The following DPP6 variants were observed in gnomAD, a reference collection of about 807,000 sequenced individuals.
DPP6 encodes A-type potassium channel modulatory protein DPP6.
DPP6 carries 69 observed loss-of-function variants against 122.6 expected under a neutral mutation model. That is an observed-to-expected ratio of 0.56 (90% CI 0.46 to 0.69). The LOEUF (loss-of-function observed/expected upper bound fraction) is 0.69, where lower values mean the gene tolerates loss of function less well. Ranked by LOEUF, DPP6 falls within the 30% of genes least tolerant of loss-of-function variation. DPP6 has a pLI of 0.00. For missense variants in DPP6, 928 were observed against 1,116.9 expected, an observed-to-expected ratio of 0.83 and a Z score of 2.41; for synonymous variants, 418 against 433.1, an observed-to-expected ratio of 0.97 and a Z score of 0.43.
At chr7:154,598,933 T>C (rs1017398121) in intron 5 of DPP6, among the ~76,000 whole-genome samples, 5 of 152,198 alleles carry the variant, frequency 3.3e-5, no homozygotes, top group Non-Finnish European at 7.3e-5. Context: ...GGTGTTCCCA[T>C]GGACCTTGGG....
chr7:154,536,325 TC>T (rs750120783), intron 3 of DPP6, among the ~76,000 whole-genome samples: 22 of 152,166 alleles, frequency 1.4e-4, no homozygotes, highest in Non-Finnish European at 2.8e-4. Flanking sequence ...GGCATAGAGG[TC>T]TTTCACATCC....
At position 154,821,669 on chromosome 7, in the gene DPP6, T is replaced by C. The variant is rs946208026; in HGVS notation, c.1666+14557T>C. 3.5e-5 allele frequency among the ~76,000 whole-genome samples: 5 copies of C among 144,820 alleles called. No individual in the cohort carries two copies. Among genetic ancestry groups the C allele is most frequent in the African/African-American group, 7.8e-5 (3 of 38,420 alleles). On this transcript the variant is annotated intron_variant, in intron 16 of 25. Transcript: ENST00000377770. This position sits in a 1 kb window ranked among gnomAD's most constrained non-coding sequence, Gnocchi z 4.2. The stretch of plus-strand genomic sequence containing the variant: ...ATACACATATATATATATATACACA[T>C]ATATATATACACACACATATATATA...
chr7:154,273,722 A>G (rs1803947098), intron 1 of DPP6, among the ~76,000 whole-genome samples: 2 of 152,174 alleles, frequency 1.3e-5, no homozygotes, highest in African/African-American at 4.8e-5. Flanking sequence ...AAGAGATCAG[A>G]AAAAAAGGGT....
At chr7:154,554,682 T>A (rs1170403075) in intron 4 of DPP6, among the ~76,000 whole-genome samples, 1 of 152,218 alleles carries the variant, frequency 6.6e-6, no homozygotes. Flanking sequence ...ACTTGTGTTA[T>A]TGATATAACT....
At chr7:154,836,138 C>G (rs540429276) in intron 16 of DPP6, among the ~76,000 whole-genome samples, 2 of 152,196 alleles carry the variant, frequency 1.3e-5, no homozygotes, top group African/African-American at 4.8e-5. Flanking sequence ...GTTTAATTAC[C>G]GCGAGCCTTG....
intron 1 of DPP6, chr7:154,094,436 G>C (rs1805171297): frequency 6.6e-6 from 1 of 152,408 alleles, no homozygotes; most frequent in Non-Finnish European, 1.5e-5. Flanking sequence ...TCGGCGCAGG[G>C]AGAGCTGCAT....
intron 1 of DPP6, among the ~76,000 whole-genome samples, chr7:154,224,275 T>C (rs7788018): frequency 0.79 from 116,873 of 148,084 alleles, 47,757 homozygotes; most frequent in Non-Finnish European, 0.82. Flanking sequence ...TGAGCTGAGA[T>C]TGCGCCACTG....
intron 1 of DPP6, among the ~76,000 whole-genome samples, chr7:154,298,188 C>T (rs2150975035): frequency 6.6e-6 from 1 of 152,190 alleles, no homozygotes; most frequent in South Asian, 2.1e-4. Flanking sequence ...CCCGGGTTTC[C>T]AGCCAGCTGC....
intron 1 of DPP6, among the ~76,000 whole-genome samples, chr7:154,183,613 T>C (rs1798205847): frequency 1.3e-5 from 2 of 152,172 alleles, no homozygotes; most frequent in African/African-American, 4.8e-5. Context: ...CCTTCCTCCA[T>C]GACTGAAGGC....
chr7:154,654,549 G>C (rs1428180790), intron 6 of DPP6, among the ~76,000 whole-genome samples: 3 of 151,844 alleles, frequency 2.0e-5, no homozygotes, highest in Non-Finnish European at 4.4e-5. Flanking sequence ...CTCCTGAGTA[G>C]CTGGGATTAC....
chr7:154,209,687 T>C (rs1263712358), intron 1 of DPP6, among the ~76,000 whole-genome samples: 2 of 152,200 alleles, frequency 1.3e-5, no homozygotes, highest in African/African-American at 4.8e-5. Context: ...TCATCATCGT[T>C]TCCTACAGTG....
chr7:154,391,156 T>C (rs192475534), intron 1 of DPP6, among the ~76,000 whole-genome samples: 2 of 152,318 alleles, frequency 1.3e-5, no homozygotes, highest in African/African-American at 4.8e-5. Context: ...CGTATGCCCT[T>C]GATTCATACA....
At chr7:154,463,277 G>A (rs912545055) in intron 2 of DPP6, among the ~76,000 whole-genome samples, 69 of 131,504 alleles carry the variant, frequency 5.2e-4, no homozygotes, top group African/African-American at 1.9e-3. Context: ...GCACGATCTC[G>A]ACTCACTGCA....
At chr7:154,737,544 T>A (rs1842627035) in intron 8 of DPP6, among the ~76,000 whole-genome samples, 1 of 152,150 alleles carries the variant, frequency 6.6e-6, no homozygotes, top group East Asian at 1.9e-4. Context: ...TCTAGAGATG[T>A]GGAATTTTTA....
chr7:153,928,383 TTTC>T (rs1459934225), intron 1 of DPP6, among the ~76,000 whole-genome samples: 1 of 136,184 alleles, frequency 7.3e-6, no homozygotes, highest in African/African-American at 2.8e-5. Flanking sequence ...GGCTAATTTT[TTTC>T]TTTTCTTTCA....
intron 10 of DPP6, among the ~76,000 whole-genome samples, chr7:154,786,498 C>T (rs1323968627): frequency 6.6e-6 from 1 of 152,126 alleles, no homozygotes; most frequent in Non-Finnish European, 1.5e-5. Flanking sequence ...AATGAGTGCT[C>T]ATTTGATCTG....
At chr7:154,404,129 G>A (rs1815874298) in intron 1 of DPP6, among the ~76,000 whole-genome samples, 1 of 152,190 alleles carries the variant, frequency 6.6e-6, no homozygotes, top group South Asian at 2.1e-4. Context: ...ACTTGGAAGT[G>A]ATGGGTGACC....
intron 7 of DPP6, among the ~76,000 whole-genome samples, chr7:154,685,406 C>A (rs545366479): frequency 1.3e-4 from 20 of 152,296 alleles, no homozygotes; most frequent in African/African-American, 3.8e-4. Context: ...GCTGTGGCTG[C>A]ATGCCCAGAG....
At chr7:153,923,003 G>A (rs77347291) in intron 1 of DPP6, among the ~76,000 whole-genome samples, 9,815 of 152,312 alleles carry the variant, frequency 0.064, 327 homozygotes, top group African/African-American at 0.08. Flanking sequence ...CCCAAAGTTT[G>A]CAGCTCAAAA....
Sources: gnomAD v4.1 joint callset for allele counts (sites outside exome capture counted in the v4.1 genomes callset) on GRCh38, gnomAD v4.1.1 for gene constraint, Gnocchi (gnomAD v3.1) non-coding constraint, MANE v1.5 for transcripts, NCBI Gene and HGNC (gene_info 2026-07-23, HGNC 2026-07-21) for gene names.